The following CCSER1 variants were observed in gnomAD, a reference collection of about 807,000 sequenced individuals.
The protein encoded by CCSER1 is serine-rich coiled-coil domain-containing protein 1.
CCSER1 carries 41 observed loss-of-function variants against 82.0 expected under a neutral mutation model. That is an observed-to-expected ratio of 0.50 (90% CI 0.39 to 0.65). The LOEUF (loss-of-function observed/expected upper bound fraction) is 0.65. Ranked by LOEUF, CCSER1 falls within the 30% of genes least tolerant of loss-of-function variation. The probability of loss-of-function intolerance (pLI) is 0.00; values close to 1 mark genes in which losing one functional copy is unlikely to be tolerated. For missense variants in CCSER1, 1,119 were observed against 1,064.2 expected, an observed-to-expected ratio of 1.05 and a Z score of -0.72; for synonymous variants, 414 against 383.9, an observed-to-expected ratio of 1.08 and a Z score of -0.92.
At position 91,462,297 on chromosome 4, in the gene CCSER1, G is replaced by A. The variant is rs144341363; in HGVS notation, c.2218-136275G>A. Among the ~76,000 whole-genome samples the A allele has an allele frequency of 6.8e-3, 1,033 of 152,106 alleles. 3 individuals are homozygous for A. The highest frequency in any genetic ancestry group is 1.0e-2 in the Non-Finnish European group (677 of 68,004). ...GCAAATATGTCATTATATTTTGTAC[G>A]TATCAGATATTGAAGCTCTCTTCTA... is the stretch of plus-strand genomic sequence containing the variant. On this transcript the variant is annotated intron_variant, in intron 10 of 10. Coordinates refer to ENST00000509176, the MANE Select transcript of CCSER1 (RefSeq NM_001145065.2).
chr4:90,325,741 G>A lies in CCSER1; in HGVS notation c.1509+12694G>A, dbSNP rs1173739181. 8 of 364,860 alleles carry A rather than the reference G, an allele frequency of 2.2e-5. No homozygotes were observed. In the East Asian group the frequency reaches 3.1e-4, roughly 14 times the overall value. 22.6% of individuals were successfully genotyped at this position (364,860 alleles called of 1,614,324 possible). A position where few individuals can be genotyped will look rare whatever the true frequency, so the allele number is the denominator to read the frequency against. ...ATTATTCATTTTAGACAATGAAGAC[G>A]ATTTATTTTATACTTATTTTATGGT... On this transcript the variant is annotated intron_variant, in intron 3 of 10. Coordinates refer to ENST00000509176, the MANE Select transcript of CCSER1 (RefSeq NM_001145065.2).
intron 9 of CCSER1, among the ~76,000 whole-genome samples, chr4:90,956,944 C>CTTTT (rs35180536): frequency 1.5e-4 from 19 of 129,332 alleles, no homozygotes; most frequent in Admixed American, 4.8e-4. Context: ...CACAACCAGC[C>CTTTT]TTTTTTTTTT....
chr4:91,015,918 G>A (rs1739392443), intron 9 of CCSER1, among the ~76,000 whole-genome samples: 1 of 151,916 alleles, frequency 6.6e-6, no homozygotes, highest in South Asian at 2.1e-4. Context: ...TAAGGACTAA[G>A]TTTAATAGCA....
chr4:91,415,713 AT>A (rs1180074479), intron 10 of CCSER1, among the ~76,000 whole-genome samples: 2 of 152,118 alleles, frequency 1.3e-5, no homozygotes, highest in African/African-American at 4.8e-5. Flanking sequence ...AATTACATTT[AT>A]TGCTTTGCAT....
chr4:91,552,197 A>C (rs988522818), intron 10 of CCSER1, among the ~76,000 whole-genome samples: 1 of 151,766 alleles, frequency 6.6e-6, no homozygotes, highest in Admixed American at 6.6e-5. Context: ...GTTACAGCCC[A>C]ATAACATTTT....
At chr4:90,589,075 G>A (rs1782377236) in intron 5 of CCSER1, among the ~76,000 whole-genome samples, 1 of 152,062 alleles carries the variant, frequency 6.6e-6, no homozygotes, top group Non-Finnish European at 1.5e-5. Context: ...GTGCAATAAG[G>A]CAAATATACC....
intron 3 of CCSER1, among the ~76,000 whole-genome samples, chr4:90,327,842 A>G (rs970550514): frequency 6.6e-5 from 10 of 152,184 alleles, no homozygotes; most frequent in Admixed American, 2.0e-4. Flanking sequence ...GTTGAGAACT[A>G]TCTAAAGGTA....
At chr4:90,411,135 G>A (rs1295040485) in intron 4 of CCSER1, among the ~76,000 whole-genome samples, 3 of 152,070 alleles carry the variant, frequency 2.0e-5, no homozygotes, top group Admixed American at 6.5e-5. Context: ...ATAATTAATA[G>A]CCTACCAACC....
intron 1 of CCSER1, among the ~76,000 whole-genome samples, chr4:90,292,477 T>A (rs1293871224): frequency 6.6e-6 from 1 of 151,912 alleles, no homozygotes; most frequent in Non-Finnish European, 1.5e-5. Context: ...ATTGTGAAAG[T>A]GTTATTAATG....
At chr4:91,167,004 C>G (rs1379090481) in intron 10 of CCSER1, among the ~76,000 whole-genome samples, 1 of 151,936 alleles carries the variant, frequency 6.6e-6, no homozygotes, top group Non-Finnish European at 1.5e-5. Flanking sequence ...GTTAAGAATA[C>G]TTGTATGGTA....
chr4:90,200,383 A>G (rs1467937486), intron 1 of CCSER1, among the ~76,000 whole-genome samples: 13 of 152,126 alleles, frequency 8.5e-5, no homozygotes, highest in Admixed American at 6.6e-4. Flanking sequence ...ACCCAGAATA[A>G]TAAATGGGCA....
At chr4:90,338,549 G>C (rs1253868436) in intron 3 of CCSER1, among the ~76,000 whole-genome samples, 1 of 152,176 alleles carries the variant, frequency 6.6e-6, no homozygotes, top group Admixed American at 6.5e-5. Flanking sequence ...GAGGGCTTGA[G>C]TGTCACTGAT....
intron 3 of CCSER1, among the ~76,000 whole-genome samples, chr4:90,372,081 C>G (rs898608435): frequency 6.6e-6 from 1 of 152,044 alleles, no homozygotes; most frequent in African/African-American, 2.4e-5. Flanking sequence ...TGTGGATATG[C>G]TTGTTTTTTT....
intron 9 of CCSER1, among the ~76,000 whole-genome samples, chr4:91,023,002 CT>C (rs553601243): frequency 1.8e-3 from 274 of 152,258 alleles, no homozygotes; most frequent in African/African-American, 6.2e-3. Flanking sequence ...TGTGCAGAAG[CT>C]CTTTAGTTTA....
chr4:91,352,302 A>G (rs756309683), intron 10 of CCSER1, among the ~76,000 whole-genome samples: 10 of 152,140 alleles, frequency 6.6e-5, no homozygotes, highest in Non-Finnish European at 1.3e-4. Context: ...CCAGGAGTGC[A>G]GTGGCGCGAT....
chr4:90,269,742 GGTTTT>G (rs1324469159), intron 1 of CCSER1, among the ~76,000 whole-genome samples: 1 of 151,526 alleles, frequency 6.6e-6, no homozygotes, highest in Non-Finnish European at 1.5e-5. Context: ...ACAAAAAGTT[GGTTTT>G]GTAAAAAGAT....
chr4:90,727,197 T>G, intron 7 of CCSER1: 2 of 454,638 alleles, frequency 4.4e-6, no homozygotes, highest in South Asian at 3.1e-5. Context: ...TTGTTGTTTT[T>G]TAATAGAATA....
At chr4:91,525,293 G>T (rs1463554047) in intron 10 of CCSER1, among the ~76,000 whole-genome samples, 1 of 152,148 alleles carries the variant, frequency 6.6e-6, no homozygotes, top group Non-Finnish European at 1.5e-5. Flanking sequence ...GGTTGGAATT[G>T]CTGGAAGGAA....
intron 10 of CCSER1, among the ~76,000 whole-genome samples, chr4:91,191,820 C>A (rs1028401085): frequency 6.6e-6 from 1 of 152,164 alleles, no homozygotes; most frequent in African/African-American, 2.4e-5. Context: ...GAACTGGTTA[C>A]CCAGTCTTTT....
Sources: allele counts gnomAD v4.1 joint callset (sites outside exome capture counted in the v4.1 genomes callset), GRCh38; gene constraint gnomAD v4.1.1; transcripts MANE v1.5; gene names NCBI Gene and HGNC (gene_info 2026-07-23, HGNC 2026-07-21).